RASGRP1: variants seen among roughly 807,000 people sequenced by gnomAD.
The protein encoded by RASGRP1 is RAS guanyl-releasing protein 1.
In RASGRP1, 37 loss-of-function variants were observed where a neutral mutation model predicts 95.1. The ratio of observed to expected loss-of-function variants is 0.39; its 90% CI spans 0.30 to 0.51. RASGRP1 has a LOEUF of 0.51. RASGRP1 is among the 20% of genes least tolerant of loss of function. The probability of loss-of-function intolerance (pLI) is 0.80; values close to 1 mark genes in which losing one functional copy is unlikely to be tolerated. For missense variants in RASGRP1, 711 were observed against 965.4 expected, an observed-to-expected ratio of 0.74 and a Z score of 3.49; for synonymous variants, 325 against 353.4, an observed-to-expected ratio of 0.92 and a Z score of 0.90.
In RASGRP1 at chr15:38,511,676, T is replaced by C; in HGVS notation, c.894A>G (p.Ile298Met). Residue 298 changes from isoleucine to methionine, a missense_variant, in exon 8 of 17, where the codon ATA (isoleucine) becomes ATG (methionine). By Grantham distance (10) the Ile-to-Met change is conservative. Around this residue, in one of 3 missense-constraint regions of RASGRP1, gnomAD observed 491 missense variants for 676.6 expected, o/e 0.73. Coordinates refer to ENST00000310803, the MANE Select transcript of RASGRP1 (RefSeq NM_005739.4). ...AGATTGAGCTGTGACACAGCCCACC[T>C]ATCACAGCCATCAGTGTATTGAAGT... ...LQNFNTLMAV[I>M]GGLCHSSISR... 1.9e-6 allele frequency: 3 copies of C among 1,613,658 alleles called. No homozygotes were observed. Among genetic ancestry groups the C allele is most frequent in the Non-Finnish European group, 2.5e-6 (3 of 1,179,636 alleles).
At chr15:38,559,178 A>C (rs568525109) in intron 2 of RASGRP1, among the ~76,000 whole-genome samples, 1 of 152,376 alleles carries the variant, frequency 6.6e-6, no homozygotes, top group African/African-American at 2.4e-5. Flanking sequence ...ACATTTTAAA[A>C]AATCTTTTCA....
At chr15:38,558,657 A>G (rs561446521) in intron 2 of RASGRP1, among the ~76,000 whole-genome samples, 3 of 152,318 alleles carry the variant, frequency 2.0e-5, no homozygotes, top group Admixed American at 1.3e-4. Context: ...AAAGAAACAA[A>G]CAAAAAACAG....
intron 8 of RASGRP1, 87 bp from the exon 9 acceptor site, chr15:38,508,088 C>T (rs1891337340): frequency 7.0e-7 from 1 of 1,424,562 alleles, no homozygotes; most frequent in Non-Finnish European, 9.4e-7. Flanking sequence ...GCATCCTGTG[C>T]CATGATCTCA....
chr15:38,503,413 A>T lies in RASGRP1; in HGVS notation c.1324-37T>A, dbSNP rs74504677. The T allele has an allele frequency of 4.3e-3, 6,123 of 1,410,538 alleles. 42 individuals are homozygous for T. Among genetic ancestry groups the T allele is most frequent in the Middle Eastern group, 8.0e-3 (45 of 5,660 alleles). The allele number at this position is 1,410,538 out of a possible 1,614,324, so 87.4% of individuals were successfully genotyped here. ...TATTTAGAGAAATCCTCATGACTAC[A>T]ATGCAATATTATAACCTATAGCTCT... On this transcript the variant is annotated intron_variant, in intron 10 of 16. Coordinates refer to ENST00000310803, the MANE Select transcript of RASGRP1 (RefSeq NM_005739.4).
chr15:38,492,871 C>T (rs1469002203), intron 16 of RASGRP1, among the ~76,000 whole-genome samples: 1 of 151,554 alleles, frequency 6.6e-6, no homozygotes, highest in African/African-American at 2.4e-5. Context: ...CCGTCTCCTA[C>T]TCCTCCCCAC....
At chr15:38,492,593 G>C (rs62002959) in intron 16 of RASGRP1, among the ~76,000 whole-genome samples, 1,806 of 152,256 alleles carry the variant, frequency 0.012, 20 homozygotes, top group Non-Finnish European at 0.019. Context: ...TCCTCCTCCT[G>C]TAATAAAGTG....
At chr15:38,551,856 G>C (rs1389537827) in intron 2 of RASGRP1, among the ~76,000 whole-genome samples, 1 of 152,168 alleles carries the variant, frequency 6.6e-6, no homozygotes, top group African/African-American at 2.4e-5. Flanking sequence ...CATAAAACTG[G>C]AAATACAGTA....
At chr15:38,546,606 A>G (rs960653130) in intron 2 of RASGRP1, among the ~76,000 whole-genome samples, 22 of 152,238 alleles carry the variant, frequency 1.4e-4, no homozygotes, top group African/African-American at 4.8e-4. Context: ...AGGTTGATAG[A>G]AACTGAGTCT....
intron 15 of RASGRP1, among the ~76,000 whole-genome samples, chr15:38,497,342 A>G (rs1334298052): frequency 6.6e-6 from 1 of 151,964 alleles, no homozygotes; most frequent in East Asian, 1.9e-4. Context: ...AAGACTCTCT[A>G]GACTGTCTCA....
intron 2 of RASGRP1, among the ~76,000 whole-genome samples, chr15:38,554,779 T>C (rs959078004): frequency 3.9e-5 from 6 of 152,208 alleles, no homozygotes; most frequent in Admixed American, 6.5e-5. Context: ...AGGATGCAAG[T>C]GCCCCCGAGG....
chr15:38,550,646 AAAT>A (rs1339934240), intron 2 of RASGRP1, among the ~76,000 whole-genome samples: 9 of 152,220 alleles, frequency 5.9e-5, no homozygotes, highest in African/African-American at 1.9e-4. Flanking sequence ...ACCTCTTTAT[AAAT>A]AATAATATTG....
chr15:38,551,271 GA>G (rs1320379625), intron 2 of RASGRP1, among the ~76,000 whole-genome samples: 1 of 152,134 alleles, frequency 6.6e-6, no homozygotes, highest in Non-Finnish European at 1.5e-5. Context: ...GCAAATTCCT[GA>G]AGGACTTTCT....
At position 38,494,726 on chromosome 15, in the gene RASGRP1, C is replaced by T. The variant is rs1468768278; in HGVS notation, c.1915G>A (p.Val639Met). ...GPFTFPNGEAVEHGEESKDRT... is the reference protein window; with the variant it reads ...GPFTFPNGEAMEHGEESKDRT... Reference sequence around the variant, plus strand: ...TCCTTACTCTCCTCACCATGTTCCACAGCCTCCCCATTAGGGAATGTAAAA... The same window carrying T: ...TCCTTACTCTCCTCACCATGTTCCATAGCCTCCCCATTAGGGAATGTAAAA... Residue 639 changes from valine to methionine, a missense_variant, in exon 16 of 17, where the codon GTG becomes ATG. Coordinates refer to ENST00000310803, the MANE Select transcript of RASGRP1 (RefSeq NM_005739.4). 2.0e-6 allele frequency: 3 copies of T among 1,514,542 alleles called. No individual in the cohort carries two copies. In the South Asian group the frequency reaches 4.1e-5, roughly 21 times the overall value. The allele number at this position is 1,514,542 out of a possible 1,614,324, so 93.8% of individuals were successfully genotyped here.
At chr15:38,508,224 T>C (rs1595836116) in intron 8 of RASGRP1, among the ~76,000 whole-genome samples, 1 of 152,214 alleles carries the variant, frequency 6.6e-6, no homozygotes, top group East Asian at 1.9e-4. Context: ...TATGCTTGAA[T>C]CTGTTATATA....
intron 3 of RASGRP1, among the ~76,000 whole-genome samples, chr15:38,520,409 TAAAG>T (rs942655288): frequency 7.2e-5 from 11 of 152,136 alleles, no homozygotes; most frequent in African/African-American, 1.7e-4. Flanking sequence ...TAGAGTTAAA[TAAAG>T]AAAAGCAAAA....
At position 38,502,323 on chromosome 15, in the gene RASGRP1, C is replaced by T. The variant is rs563079518; in HGVS notation, c.1527G>A (p.Met509Ile). ...AASFPFSFCV[M>I]DKDREGLISR... ...GTACAAACCCTCACCTGTCTTTGTC[C>T]ATCACACAGAAGGAAAATGGAAAAC... is the stretch of plus-strand genomic sequence containing the variant. The change falls in exon 12 of 17, where the codon ATG (methionine) becomes ATA (isoleucine). Residue 509 changes from methionine (M) to isoleucine (I), a missense_variant. Transcript: ENST00000310803. 3 of 1,580,890 alleles carry T rather than the reference C, an allele frequency of 1.9e-6. No individual in the cohort carries two copies. Among genetic ancestry groups the T allele is most frequent in the East Asian group, 4.5e-5 (2 of 44,736 alleles).
intron 2 of RASGRP1, among the ~76,000 whole-genome samples, chr15:38,537,526 A>G (rs1205242084): frequency 1.3e-5 from 2 of 152,166 alleles, no homozygotes; most frequent in Non-Finnish European, 2.9e-5. Flanking sequence ...CCCATGCAGC[A>G]CTATAGACAT....
intron 2 of RASGRP1, among the ~76,000 whole-genome samples, chr15:38,549,821 G>A (rs1566936426): frequency 6.6e-6 from 1 of 151,216 alleles, no homozygotes; most frequent in Non-Finnish European, 1.5e-5. Flanking sequence ...ACTACTCTTT[G>A]GGGAAAAAAA....
At position 38,564,580 on chromosome 15, in the gene RASGRP1, C is replaced by A; in HGVS notation, c.35+14G>T. ...ACACAGGCGCTCCCGAGGGCCACGG[C>A]CGCCTCTACTCACCGCGGAGCCTCT... On this transcript the variant is annotated intron_variant, in intron 1 of 16. Transcript: ENST00000310803. The A allele has an allele frequency of 7.3e-7, 1 of 1,373,202 alleles. No individual in the cohort carries two copies. The highest frequency in any genetic ancestry group is 2.8e-5 in the Admixed American group (1 of 36,228). 85.1% of individuals were successfully genotyped at this position (1,373,202 alleles called of 1,614,324 possible).
Sources: gnomAD v4.1 joint callset for allele counts (sites outside exome capture counted in the v4.1 genomes callset) on GRCh38, gnomAD v4.1.1 for gene constraint, gnomAD v4.1.1 regional missense constraint, MANE v1.5 for transcripts, NCBI Gene and HGNC (gene_info 2026-07-23, HGNC 2026-07-21) for gene names.